Variants in MACROD2 observed in about 807,000 individuals in gnomAD.
MACROD2 encodes the protein mono-ADP ribosylhydrolase 2, also known as ADP-ribose glycohydrolase MACROD2.
A neutral mutation model predicts 70.4 loss-of-function variants in MACROD2; 36 were observed. That is an observed-to-expected ratio of 0.51 (90% CI 0.39 to 0.68). The LOEUF is 0.68. Ranked by LOEUF, MACROD2 falls within the 30% of genes least tolerant of loss-of-function variation. MACROD2 has a pLI of 0.00. For missense variants in MACROD2, 496 were observed against 538.4 expected (o/e 0.92, Z 0.78); for synonymous variants, 172 against 178.8 (o/e 0.96, Z 0.30).
chr20:14,374,009 A>G (rs2083350003), intron 3 of MACROD2, among the ~76,000 whole-genome samples: 1 of 152,166 alleles, frequency 6.6e-6, no homozygotes. Context: ...TTATCACTTT[A>G]TCTCTAACAT....
intron 3 of MACROD2, among the ~76,000 whole-genome samples, chr20:14,389,820 G>A (rs1174220631): frequency 6.6e-6 from 1 of 152,144 alleles, no homozygotes; most frequent in African/African-American, 2.4e-5. Flanking sequence ...AAAGCTGGAA[G>A]CATTACCCTT....
intron 3 of MACROD2, among the ~76,000 whole-genome samples, chr20:14,351,625 A>G (rs1402887517): frequency 6.6e-6 from 1 of 152,114 alleles, no homozygotes; most frequent in East Asian, 1.9e-4. Context: ...TATCAGTTCT[A>G]ATAGTTTTTG....
intron 3 of MACROD2, among the ~76,000 whole-genome samples, chr20:14,353,108 G>T (rs12329405): frequency 0.19 from 29,422 of 151,900 alleles, 2,990 homozygotes; most frequent in East Asian, 0.3. Context: ...ATGTTGATTT[G>T]TCACTTGTGT....
At chr20:15,288,158 A>T (rs898670486) in intron 6 of MACROD2, among the ~76,000 whole-genome samples, 2 of 152,220 alleles carry the variant, frequency 1.3e-5, no homozygotes, top group Non-Finnish European at 2.9e-5. Context: ...TTAGAAAAGG[A>T]GAAGACACTA....
chr20:14,626,324 G>C lies in MACROD2; in HGVS notation c.302-58519G>C, dbSNP rs546651240. Among the ~76,000 whole-genome samples, 5 of 152,248 alleles carry C rather than the reference G, an allele frequency of 3.3e-5. No individual in the cohort carries two copies. The South Asian group carries it at 1.0e-3, about 32-fold the overall frequency. On this transcript the variant is annotated intron_variant, in intron 4 of 17. Coordinates refer to ENST00000684519, the MANE Select transcript of MACROD2 (RefSeq NM_001351661.2). Reference sequence around the variant, plus strand: ...AGTAGTTTGGCATGGCATCTGCAAGGAACCAGCTTGGAGATGATACCTGTG... The same window carrying C: ...AGTAGTTTGGCATGGCATCTGCAAGCAACCAGCTTGGAGATGATACCTGTG...
chr20:15,517,035 G>A (rs530707452), intron 8 of MACROD2, among the ~76,000 whole-genome samples: 1 of 152,062 alleles, frequency 6.6e-6, no homozygotes, highest in African/African-American at 2.4e-5. Flanking sequence ...CTTGTAAATG[G>A]TATCTCAAAA....
intron 5 of MACROD2, among the ~76,000 whole-genome samples, chr20:15,073,777 TA>T (rs1174024720): frequency 6.6e-6 from 1 of 152,202 alleles, no homozygotes; most frequent in African/African-American, 2.4e-5. Context: ...AAAGAGTATT[TA>T]ATTCACAGAA....
At chr20:14,311,902 T>C (rs965171033) in intron 3 of MACROD2, among the ~76,000 whole-genome samples, 8 of 152,326 alleles carry the variant, frequency 5.3e-5, no homozygotes, top group African/African-American at 1.9e-4. Flanking sequence ...AAGAGTAGGT[T>C]TCTTTTCCAA....
intron 4 of MACROD2, among the ~76,000 whole-genome samples, chr20:14,651,325 C>T: frequency 6.6e-6 from 1 of 152,058 alleles, no homozygotes; most frequent in Non-Finnish European, 1.5e-5. Context: ...TGCATAGGAA[C>T]TTACAGAGGG....
intron 5 of MACROD2, among the ~76,000 whole-genome samples, chr20:14,687,978 T>C (rs944985913): frequency 1.3e-5 from 2 of 152,210 alleles, no homozygotes; most frequent in South Asian, 4.1e-4. Flanking sequence ...ATTGTGTGTG[T>C]TCATTTTCCC....
chr20:14,910,256 G>C (rs1320454283), intron 5 of MACROD2, among the ~76,000 whole-genome samples: 2 of 152,096 alleles, frequency 1.3e-5, no homozygotes, highest in African/African-American at 4.8e-5. Flanking sequence ...TGCACTTCGC[G>C]CTTACACATT....
At chr20:14,844,487 A>G (rs1218860043) in intron 5 of MACROD2, among the ~76,000 whole-genome samples, 1 of 152,034 alleles carries the variant, frequency 6.6e-6, no homozygotes, top group African/African-American at 2.4e-5. Flanking sequence ...ACTGCACTCC[A>G]GCCTTGGTGA....
chr20:14,601,833 A>G (rs982082819), intron 4 of MACROD2, among the ~76,000 whole-genome samples: 6 of 152,108 alleles, frequency 3.9e-5, no homozygotes, highest in African/African-American at 1.4e-4. Context: ...AGCTTATGTC[A>G]ATTAAAATAA....
intron 4 of MACROD2, among the ~76,000 whole-genome samples, chr20:14,579,837 A>C (rs1036798363): frequency 8.5e-5 from 13 of 152,346 alleles, no homozygotes; most frequent in African/African-American, 3.1e-4. Context: ...TGTATTGTTG[A>C]TTTAAGCTTG....
At chr20:15,983,680 C>T (rs892387047) in intron 13 of MACROD2, among the ~76,000 whole-genome samples, 3 of 152,166 alleles carry the variant, frequency 2.0e-5, no homozygotes, top group Non-Finnish European at 4.4e-5. Context: ...AGAGCTACCA[C>T]GCAGCCTACG....
At chr20:15,806,517 A>G (rs1311656132) in intron 8 of MACROD2, among the ~76,000 whole-genome samples, 1 of 151,976 alleles carries the variant, frequency 6.6e-6, no homozygotes, top group Non-Finnish European at 1.5e-5. Context: ...GTGATTATTT[A>G]TTTATTTTTG....
intron 15 of MACROD2, among the ~76,000 whole-genome samples, chr20:16,013,928 G>A (rs1435694391): frequency 3.3e-5 from 5 of 152,194 alleles, no homozygotes; most frequent in African/African-American, 9.7e-5. Context: ...GCACTGTATT[G>A]AATAGAGGAA....
chr20:15,307,667 A>T (rs1210398466), intron 6 of MACROD2, among the ~76,000 whole-genome samples: 1 of 152,214 alleles, frequency 6.6e-6, no homozygotes, highest in Admixed American at 6.6e-5. Context: ...TAACATTAAT[A>T]ATAGTAATCT....
At chr20:15,723,469 G>A (rs925775468) in intron 8 of MACROD2, among the ~76,000 whole-genome samples, 3 of 152,066 alleles carry the variant, frequency 2.0e-5, no homozygotes, top group Non-Finnish European at 2.9e-5. Flanking sequence ...ACCCACTGAC[G>A]ATCGCTGATC....
Sources: allele counts gnomAD v4.1 joint callset (sites outside exome capture counted in the v4.1 genomes callset), GRCh38; gene constraint gnomAD v4.1.1; transcripts MANE v1.5; gene names NCBI Gene and HGNC (gene_info 2026-07-23, HGNC 2026-07-21).